FNIP1: variants seen among roughly 807,000 people sequenced by gnomAD.
FNIP1 encodes folliculin-interacting protein 1.
A neutral mutation model predicts 124.5 loss-of-function variants in FNIP1; 40 were observed. The observed-to-expected ratio is 0.32, with a 90% CI of 0.25 to 0.42. The LOEUF (loss-of-function observed/expected upper bound fraction) is 0.42, where lower values mean the gene tolerates loss of function less well. FNIP1 is among the 10% of genes least tolerant of loss of function. The pLI, the probability that FNIP1 is intolerant of heterozygous loss-of-function variation, is 1.00. For synonymous variants in FNIP1, 472 were observed against 470.6 expected, an observed-to-expected ratio of 1.00 and a Z score of -0.04; for missense variants, 1,176 against 1,403.7, an observed-to-expected ratio of 0.84 and a Z score of 2.59.
chr5:131,646,123 T>TA (rs1766872926), intron 17 of FNIP1, among the ~76,000 whole-genome samples: 1 of 152,234 alleles, frequency 6.6e-6, no homozygotes, highest in African/African-American at 2.4e-5. Context: ...TATATCCTGT[T>TA]ACTGATTTTC....
chr5:131,778,485 G>C (rs1354674344), intron 1 of FNIP1, among the ~76,000 whole-genome samples: 2 of 147,020 alleles, frequency 1.4e-5, no homozygotes, highest in Non-Finnish European at 3.0e-5. Context: ...TCATTAAAAA[G>C]TCAGGAAACA....
At position 131,719,481 on chromosome 5, in the gene FNIP1, G is replaced by T. The variant is rs960817159; in HGVS notation, c.355-64C>A. ...AAAGCTTATGACTATTTCATATGTT[G>T]ATTTTTATTAAAAATTCTTGATATA... is the stretch of plus-strand genomic sequence containing the variant. On this transcript the variant is annotated intron_variant, in intron 3 of 17. Coordinates refer to ENST00000510461, the MANE Select transcript of FNIP1 (RefSeq NM_133372.3). 62 of 1,423,414 alleles carry T rather than the reference G, an allele frequency of 4.4e-5. No homozygotes were observed. In the Admixed American group the frequency reaches 7.1e-4, roughly 16 times the overall value. 88.2% of individuals were successfully genotyped at this position (1,423,414 alleles called of 1,614,324 possible).
chr5:131,771,707 T>C (rs1771639885), intron 1 of FNIP1, among the ~76,000 whole-genome samples: 1 of 152,172 alleles, frequency 6.6e-6, no homozygotes, highest in African/African-American at 2.4e-5. Context: ...ACAGAGTTGA[T>C]CCATCCCTTC....
At chr5:131,745,714 T>C (rs1409068379) in intron 1 of FNIP1, among the ~76,000 whole-genome samples, 1 of 152,086 alleles carries the variant, frequency 6.6e-6, no homozygotes, top group East Asian at 1.9e-4. Context: ...TCACAATGAA[T>C]GAATTTCAGC....
At chr5:131,764,601 G>C (rs1164990466) in intron 1 of FNIP1, among the ~76,000 whole-genome samples, 1 of 151,738 alleles carries the variant, frequency 6.6e-6, no homozygotes, top group Non-Finnish European at 1.5e-5. Context: ...CTCCATACCT[G>C]GTCATACCTA....
At chr5:131,688,947 A>C (rs921500402) in intron 11 of FNIP1, among the ~76,000 whole-genome samples, 1 of 151,984 alleles carries the variant, frequency 6.6e-6, no homozygotes, top group Non-Finnish European at 1.5e-5. Flanking sequence ...CGAATTAAAA[A>C]AAAATTAGTA....
intron 10 of FNIP1, among the ~76,000 whole-genome samples, chr5:131,701,795 C>T (rs1267694434): frequency 6.6e-6 from 1 of 152,188 alleles, no homozygotes; most frequent in African/African-American, 2.4e-5. Flanking sequence ...AAACACACTG[C>T]CAAGTTAATC....
chr5:131,705,577 A>G (rs1769080233), intron 9 of FNIP1, among the ~76,000 whole-genome samples: 2 of 152,242 alleles, frequency 1.3e-5, no homozygotes. Context: ...TATTATCAAA[A>G]AAACAGAAAA....
chr5:131,751,823 A>G (rs918944637), intron 1 of FNIP1, among the ~76,000 whole-genome samples: 1 of 152,288 alleles, frequency 6.6e-6, no homozygotes, highest in South Asian at 2.1e-4. Context: ...TAATGACTGC[A>G]ATGTGTACGA....
chr5:131,749,601 A>G (rs895712439), intron 1 of FNIP1, among the ~76,000 whole-genome samples: 3 of 152,028 alleles, frequency 2.0e-5, no homozygotes, highest in African/African-American at 7.2e-5. Flanking sequence ...CATGTTGGCC[A>G]GGTTTGTCTC....
chr5:131,765,228 A>G (rs1017531053), intron 1 of FNIP1, among the ~76,000 whole-genome samples: 11 of 148,842 alleles, frequency 7.4e-5, no homozygotes, highest in East Asian at 2.0e-4. Flanking sequence ...TCTGCGGGGG[A>G]AAAAAAAAAG....
chr5:131,659,827 G>A (rs1767362464), intron 15 of FNIP1, among the ~76,000 whole-genome samples: 1 of 152,340 alleles, frequency 6.6e-6, no homozygotes, highest in African/African-American at 2.4e-5. Flanking sequence ...CTCCTTGGGA[G>A]CCACATGCAG....
At position 131,708,100 on chromosome 5, in the gene FNIP1, GA is replaced by G. The variant is rs1350477119; in HGVS notation, c.778+1100del. On this transcript the variant is annotated intron_variant, in intron 8 of 17. Coordinates refer to ENST00000510461, the MANE Select transcript of FNIP1 (RefSeq NM_133372.3). ...GGTCGGCAACCCTAGCTATCCATTA[GA>G]ATCAAGTGTTAGGTTTTGCATTTTG... is the stretch of plus-strand genomic sequence containing the variant. 2.6e-5 allele frequency among the ~76,000 whole-genome samples: 4 copies of G among 152,258 alleles called. No homozygotes were observed. The East Asian group carries it at 7.7e-4, about 29-fold the overall frequency.
intron 13 of FNIP1, among the ~76,000 whole-genome samples, chr5:131,673,846 G>T (rs1403297292): frequency 6.6e-6 from 1 of 152,028 alleles, no homozygotes; most frequent in Non-Finnish European, 1.5e-5. Context: ...GACCAGCCTG[G>T]CCAAGATGGT....
chr5:131,668,370 C>T (rs1427941570), intron 15 of FNIP1, among the ~76,000 whole-genome samples: 1 of 152,156 alleles, frequency 6.6e-6, no homozygotes. Flanking sequence ...ATGAATGAAA[C>T]TGAAAATACA....
At chr5:131,752,643 A>T (rs1770915445) in intron 1 of FNIP1, among the ~76,000 whole-genome samples, 1 of 152,208 alleles carries the variant, frequency 6.6e-6, no homozygotes, top group African/African-American at 2.4e-5. Context: ...CAAAGCAGTA[A>T]GCAATAAACA....
chr5:131,723,975 T>C (rs569331502), intron 3 of FNIP1, among the ~76,000 whole-genome samples: 1 of 152,202 alleles, frequency 6.6e-6, no homozygotes, highest in East Asian at 1.9e-4. Flanking sequence ...TTTTCTGTTC[T>C]TGTGTTATTT....
chr5:131,766,554 A>G (rs1771432009), intron 1 of FNIP1, among the ~76,000 whole-genome samples: 1 of 152,262 alleles, frequency 6.6e-6, no homozygotes, highest in Non-Finnish European at 1.5e-5. Flanking sequence ...TGGAAACAAC[A>G]GAATATATAT....
chr5:131,779,582 G>A (rs1299295217), intron 1 of FNIP1, among the ~76,000 whole-genome samples: 1 of 151,488 alleles, frequency 6.6e-6, no homozygotes, highest in Non-Finnish European at 1.5e-5. Context: ...CAGCTACTCA[G>A]GAGGCTGAGG....
Sources: gnomAD v4.1 joint callset for allele counts (sites outside exome capture counted in the v4.1 genomes callset) on GRCh38, gnomAD v4.1.1 for gene constraint, MANE v1.5 for transcripts, NCBI Gene and HGNC (gene_info 2026-07-23, HGNC 2026-07-21) for gene names.